The following OPCML variants were observed in gnomAD, a reference collection of about 807,000 sequenced individuals.
OPCML encodes opioid binding protein/cell adhesion molecule like.
Under a neutral mutation model 37.8 loss-of-function variants are expected in OPCML, and 13 were observed. That is an observed-to-expected ratio of 0.34 (90% CI 0.22 to 0.55). The LOEUF is 0.55. Among genes scored for constraint, OPCML ranks in the 20% least tolerant of loss-of-function variants. The pLI, the probability that OPCML is intolerant of heterozygous loss-of-function variation, is 0.91. For missense variants in OPCML, 341 were observed against 435.6 expected, an observed-to-expected ratio of 0.78 and a Z score of 1.93; for synonymous variants, 176 against 168.8, an observed-to-expected ratio of 1.04 and a Z score of -0.33.
intron 1 of OPCML, among the ~76,000 whole-genome samples, chr11:133,050,500 A>T (rs1565418915): frequency 6.6e-6 from 1 of 152,046 alleles, no homozygotes; most frequent in Non-Finnish European, 1.5e-5. Flanking sequence ...ATGCTGGGGG[A>T]GTGGTCTGAT....
In OPCML at chr11:132,449,386, T is replaced by C. The variant is rs77365609; in HGVS notation, c.506-12027A>G. 1.1e-3 allele frequency among the ~76,000 whole-genome samples: 166 copies of C among 152,314 alleles called. 1 individual carries two copies. The highest frequency in any genetic ancestry group is 5.2e-3 in the East Asian group (27 of 5,178). ...ATGGGTAGACTGGAATAATGTCTCA[T>C]AGGTATAACTAATCATCCACTTAGA... On this transcript the variant is annotated intron_variant, in intron 4 of 7. Coordinates refer to ENST00000524381, the MANE Select transcript of OPCML (RefSeq NM_001012393.5).
At chr11:132,732,162 A>G (rs1190686710) in intron 2 of OPCML, among the ~76,000 whole-genome samples, 1 of 152,212 alleles carries the variant, frequency 6.6e-6, no homozygotes, top group Non-Finnish European at 1.5e-5. Flanking sequence ...AGTTAGGAGA[A>G]TATGTTTTTA....
At chr11:132,946,139 C>T (rs2136686674) in intron 1 of OPCML, among the ~76,000 whole-genome samples, 2 of 152,254 alleles carry the variant, frequency 1.3e-5, no homozygotes, top group Admixed American at 1.3e-4. Context: ...TTAGCCTAGG[C>T]CTACATGGAG....
chr11:133,478,020 A>T (rs770943772), intron 1 of OPCML, among the ~76,000 whole-genome samples: 2 of 152,220 alleles, frequency 1.3e-5, no homozygotes, highest in Non-Finnish European at 2.9e-5. Flanking sequence ...ATTATGAGAA[A>T]GCCAATTTGG....
At chr11:133,119,693 C>T (rs1949391764) in intron 1 of OPCML, among the ~76,000 whole-genome samples, 1 of 152,032 alleles carries the variant, frequency 6.6e-6, no homozygotes, top group African/African-American at 2.4e-5. Flanking sequence ...GGAGGGGAGG[C>T]GAGGAAAACT....
At chr11:132,640,370 G>A (rs1032830245) in intron 3 of OPCML, among the ~76,000 whole-genome samples, 3 of 152,164 alleles carry the variant, frequency 2.0e-5, no homozygotes, top group African/African-American at 7.2e-5. Context: ...TTTACTTAGA[G>A]CCAAGGGAGA....
intron 1 of OPCML, among the ~76,000 whole-genome samples, chr11:132,994,543 A>G (rs1946846940): frequency 1.3e-5 from 2 of 152,158 alleles, no homozygotes; most frequent in South Asian, 4.2e-4. Context: ...GGTAGTACTG[A>G]GTCTGCTGAA....
At chr11:132,737,204 G>C (rs1945288472) in intron 2 of OPCML, among the ~76,000 whole-genome samples, 2 of 152,202 alleles carry the variant, frequency 1.3e-5, no homozygotes, top group African/African-American at 4.8e-5. Flanking sequence ...ATAAAAATGA[G>C]AGTAGAAAGC....
At chr11:132,700,717 G>C (rs1055480839) in intron 2 of OPCML, among the ~76,000 whole-genome samples, 3 of 152,036 alleles carry the variant, frequency 2.0e-5, no homozygotes, top group African/African-American at 7.2e-5. Flanking sequence ...ATCTGTCGTG[G>C]GGAATATTCC....
rs11403478 is a variant in OPCML, at chr11:132,746,096, GT to G, written c.147-88778del. On this transcript the variant is annotated intron_variant, in intron 2 of 7. Transcript: ENST00000524381. Reference sequence around the variant, plus strand: ...TCCCCAAGCTCTTCACAAAGTTGTTGTTTTTTTTTTTTTTAACTAACAGAAA... The same window carrying G: ...TCCCCAAGCTCTTCACAAAGTTGTTGTTTTTTTTTTTTTAACTAACAGAAA... Among the ~76,000 whole-genome samples the G allele has an allele frequency of 3.5e-3, 494 of 141,536 alleles. 1 individual carries two copies. Among genetic ancestry groups the G allele is most frequent in the East Asian group, 0.015 (71 of 4,794 alleles). 92.9% of individuals were successfully genotyped at this position (141,536 alleles called of 152,430 possible). A position where few individuals can be genotyped will look rare whatever the true frequency, so the allele number is the denominator to read the frequency against.
intron 1 of OPCML, among the ~76,000 whole-genome samples, chr11:133,489,901 TATAC>T (rs1191494747): frequency 6.6e-6 from 1 of 151,898 alleles, no homozygotes; most frequent in African/African-American, 2.4e-5. Flanking sequence ...CATACATATT[TATAC>T]ATACATATAC....
Position 132,520,702 on chromosome 11 carries a change from G to GTGTGTA in OPCML, c.505+8358_505+8359insTACACA, listed in dbSNP as rs150655288. On this transcript the variant is annotated intron_variant, in intron 4 of 7. Coordinates refer to ENST00000524381, the MANE Select transcript of OPCML (RefSeq NM_001012393.5). ...TGTGTGTGTGTGTGTGTGTGTGTGT[G>GTGTGTA]TATGCATATAGTATTATATATAAAG... Among the ~76,000 whole-genome samples the GTGTGTA allele has an allele frequency of 5.6e-3, 833 of 149,708 alleles. 10 individuals are homozygous for GTGTGTA. Among genetic ancestry groups the GTGTGTA allele is most frequent in the African/African-American group, 0.019 (771 of 40,746 alleles).
chr11:132,903,169 TGG>T (rs1944122515), intron 2 of OPCML, among the ~76,000 whole-genome samples: 1 of 151,934 alleles, frequency 6.6e-6, no homozygotes, highest in African/African-American at 2.4e-5. Flanking sequence ...AAATTTGTTA[TGG>T]CATTTTTTTC....
chr11:133,530,746 C>T (rs896487198), intron 1 of OPCML, among the ~76,000 whole-genome samples: 3 of 152,194 alleles, frequency 2.0e-5, no homozygotes, highest in African/African-American at 7.2e-5. Flanking sequence ...AGAGCCCATC[C>T]CTGCTTTAAA....
chr11:132,781,711 A>T (rs1947024240), intron 2 of OPCML, among the ~76,000 whole-genome samples: 1 of 151,410 alleles, frequency 6.6e-6, no homozygotes, highest in East Asian at 2.0e-4. Context: ...GTGACTGATT[A>T]TTTCTTCAGA....
At chr11:133,033,901 C>CA (rs138833608) in intron 1 of OPCML, among the ~76,000 whole-genome samples, 15,784 of 152,134 alleles carry the variant, frequency 0.1, 1,293 homozygotes, top group East Asian at 0.3. Context: ...AACCATGGTT[C>CA]AAAATTAAGT....
chr11:132,526,009 G>T (rs1308639015), intron 4 of OPCML: 2 of 152,152 alleles, frequency 1.3e-5, no homozygotes, highest in African/African-American at 2.4e-5. Context: ...GTACAGCACA[G>T]CCTGTGAGAT....
chr11:132,881,296 G>A (rs1185937152), intron 2 of OPCML, among the ~76,000 whole-genome samples: 2 of 152,234 alleles, frequency 1.3e-5, no homozygotes, highest in Admixed American at 1.3e-4. Context: ...TGGAGTCTGG[G>A]GTTCCAGATA....
In OPCML at chr11:132,529,048, G is replaced by T. The variant is rs1475931268; in HGVS notation, c.505+13C>A. On this transcript the variant is annotated intron_variant, in intron 4 of 7. Transcript: ENST00000524381. ...TACTACCTCTGAAAACGTCCTCCAG[G>T]TCAGCACCTTACCCTTGACTGACAG... 3.8e-6 allele frequency: 6 copies of T among 1,581,302 alleles called. No individual in the cohort carries two copies. The highest frequency in any genetic ancestry group is 2.2e-5 in the East Asian group (1 of 44,632).
Sources: gnomAD v4.1 joint callset for allele counts (sites outside exome capture counted in the v4.1 genomes callset) on GRCh38, gnomAD v4.1.1 for gene constraint, MANE v1.5 for transcripts, NCBI Gene and HGNC (gene_info 2026-07-23, HGNC 2026-07-21) for gene names.